ADAM23: variants seen among roughly 807,000 people sequenced by gnomAD.
The protein encoded by ADAM23 is disintegrin and metalloproteinase domain-containing protein 23.
ADAM23 carries 33 observed loss-of-function variants against 120.1 expected under a neutral mutation model. That is an observed-to-expected ratio of 0.27 (90% CI 0.21 to 0.37). ADAM23 has a LOEUF of 0.37. Among genes scored for constraint, ADAM23 ranks in the 10% least tolerant of loss-of-function variants. ADAM23 has a pLI of 1.00. For missense variants in ADAM23, 862 were observed against 1,058.2 expected (o/e 0.81, Z 2.57); for synonymous variants, 367 against 375.2 (o/e 0.98, Z 0.25).
chr2:206,547,352 G>C, intron 6 of ADAM23, 77 bp from the exon 7 acceptor site: 1 of 1,198,896 alleles, frequency 8.3e-7, no homozygotes. Context: ...AAGGACATTA[G>C]AGAAAGTTCC....
In ADAM23 at chr2:206,551,180, T is replaced by C. The variant is rs555178536; in HGVS notation, c.933+1020T>C. ...TGGTGTGCTGGTAAATTTTAATACC[T>C]AGCTCTCTTGATTTATAATGTTTGC... On this transcript the variant is annotated intron_variant, in intron 9 of 25. Transcript: ENST00000264377. Among the ~76,000 whole-genome samples the C allele has an allele frequency of 2.6e-5, 4 of 152,264 alleles. No individual in the cohort carries two copies. In the South Asian group the frequency reaches 6.2e-4, roughly 24 times the overall value.
At chr2:206,464,402 C>T (rs1463177817) in intron 2 of ADAM23, among the ~76,000 whole-genome samples, 1 of 151,962 alleles carries the variant, frequency 6.6e-6, no homozygotes, top group African/African-American at 2.4e-5. Flanking sequence ...TGGCAAAACC[C>T]CGTCTCTATT....
At chr2:206,518,326 A>G (rs917367936) in intron 3 of ADAM23, among the ~76,000 whole-genome samples, 4 of 152,296 alleles carry the variant, frequency 2.6e-5, no homozygotes, top group Middle Eastern at 3.4e-3. Flanking sequence ...ATTATGCAAA[A>G]TGTCTAGACT....
chr2:206,552,490 CCTTATT>C (rs1697549591), intron 9 of ADAM23, among the ~76,000 whole-genome samples: 1 of 151,882 alleles, frequency 6.6e-6, no homozygotes, highest in Non-Finnish European at 1.5e-5. Flanking sequence ...ATTTAAATAA[CCTTATT>C]CTTATGAATA....
At chr2:206,488,870 A>C (rs574126198) in intron 3 of ADAM23, among the ~76,000 whole-genome samples, 19 of 152,300 alleles carry the variant, frequency 1.2e-4, no homozygotes, top group African/African-American at 4.3e-4. Flanking sequence ...GTGGAAGCCC[A>C]AAAGCACCAA....
rs1411835326 is a variant in ADAM23 at position 206,620,250 on chromosome 2, C to A, written c.*2623C>A. ...TTTTAAATCAGACCACAGTGGTCCC[C>A]AAATATTATGTACATATGGCAAATG... On this transcript the variant is annotated 3_prime_UTR_variant, in exon 26 of 26. Coordinates refer to ENST00000264377, the MANE Select transcript of ADAM23 (RefSeq NM_003812.4). 1 of 152,110 alleles carries A rather than the reference C, an allele frequency of 6.6e-6. No individual in the cohort carries two copies. The highest frequency in any genetic ancestry group is 6.6e-5 in the Admixed American group (1 of 15,260). 9.4% of individuals were successfully genotyped at this position (152,110 alleles called of 1,614,324 possible). A position where few individuals can be genotyped will look rare whatever the true frequency, so the allele number is the denominator to read the frequency against.
chr2:206,547,105 G>A (rs1227947016), intron 6 of ADAM23, among the ~76,000 whole-genome samples: 1 of 151,672 alleles, frequency 6.6e-6, no homozygotes, highest in Non-Finnish European at 1.5e-5. Flanking sequence ...GCATGTTGAA[G>A]GAATATGAAA....
chr2:206,456,987 G>T (rs1695314323), intron 2 of ADAM23, among the ~76,000 whole-genome samples: 1 of 152,118 alleles, frequency 6.6e-6, no homozygotes, highest in Non-Finnish European at 1.5e-5. Flanking sequence ...ATTGTAAGCA[G>T]GCCTGCTAAT....
rs13423830 is a variant in ADAM23, at chr2:206,447,174, G to A, written c.432+1650G>A. On this transcript the variant is annotated intron_variant, in intron 2 of 25. Coordinates refer to ENST00000264377, the MANE Select transcript of ADAM23 (RefSeq NM_003812.4). ...ATGTGGCTGTTTTCTTTGGTGGGAC[G>A]TGGTTTGACTGTAATATACCTGACT... is the stretch of plus-strand genomic sequence containing the variant. Among the ~76,000 whole-genome samples the A allele has an allele frequency of 3.3e-3, 510 of 152,246 alleles. 3 individuals are homozygous for A. Among genetic ancestry groups the A allele is most frequent in the African/African-American group, 0.012 (484 of 41,546 alleles).
intron 2 of ADAM23, among the ~76,000 whole-genome samples, chr2:206,446,343 C>T (rs1382690561): frequency 6.6e-6 from 1 of 152,080 alleles, no homozygotes; most frequent in Non-Finnish European, 1.5e-5. Context: ...AATGGATTAT[C>T]GGTTCTTCTG....
intron 3 of ADAM23, among the ~76,000 whole-genome samples, chr2:206,483,135 G>A (rs574068659): frequency 2.6e-4 from 39 of 152,296 alleles, no homozygotes; most frequent in Middle Eastern, 3.4e-3. Flanking sequence ...GCTAAGAGGC[G>A]TGGAGAGGGA....
intron 3 of ADAM23, among the ~76,000 whole-genome samples, chr2:206,486,896 T>G (rs972452294): frequency 6.6e-6 from 1 of 152,202 alleles, no homozygotes; most frequent in Admixed American, 6.5e-5. Context: ...CATTCCCTTC[T>G]TCCTTAGGCC....
chr2:206,572,461 T>A (rs1407068300), intron 17 of ADAM23, among the ~76,000 whole-genome samples: 1 of 152,216 alleles, frequency 6.6e-6, no homozygotes, highest in Non-Finnish European at 1.5e-5. Context: ...ATTTTATGAT[T>A]TTGTTTCAAT....
intron 24 of ADAM23, among the ~76,000 whole-genome samples, chr2:206,597,551 C>G (rs1454962807): frequency 6.6e-6 from 1 of 152,114 alleles, no homozygotes; most frequent in Admixed American, 6.6e-5. Context: ...ACCCCTCATA[C>G]AATTTTCAAA....
intron 10 of ADAM23, among the ~76,000 whole-genome samples, 162 bp from the exon 11 acceptor site, chr2:206,559,793 C>G (rs1322343326): frequency 6.6e-6 from 1 of 152,062 alleles, no homozygotes; most frequent in Non-Finnish European, 1.5e-5. Flanking sequence ...TATTTTTGCT[C>G]TTGGAAAAAA....
intron 2 of ADAM23, among the ~76,000 whole-genome samples, chr2:206,463,323 A>T (rs995383502): frequency 1.3e-5 from 2 of 152,194 alleles, no homozygotes; most frequent in Non-Finnish European, 2.9e-5. Context: ...GGTTTGAGTG[A>T]TGCGAGGAGG....
At chr2:206,529,972 C>T (rs62194497) in intron 3 of ADAM23, among the ~76,000 whole-genome samples, 41,748 of 151,846 alleles carry the variant, frequency 0.27, 5,906 homozygotes, top group South Asian at 0.32. Flanking sequence ...CCACCACGCG[C>T]GGCTAATTTT....
intron 13 of ADAM23, 90 bp from the exon 14 acceptor site, chr2:206,564,926 TAAAG>T: frequency 1.5e-6 from 2 of 1,331,204 alleles, no homozygotes; most frequent in Non-Finnish European, 1.1e-6. Flanking sequence ...GAATTGGTAA[TAAAG>T]AATTATTGTA....
intron 13 of ADAM23, among the ~76,000 whole-genome samples, chr2:206,564,227 TAGAG>T (rs751416262): frequency 3.1e-4 from 47 of 152,040 alleles, no homozygotes; most frequent in African/African-American, 4.3e-4. Flanking sequence ...GATATATCGA[TAGAG>T]AGAGAGGCAT....
Sources: allele counts gnomAD v4.1 joint callset (sites outside exome capture counted in the v4.1 genomes callset), GRCh38; gene constraint gnomAD v4.1.1; transcripts MANE v1.5; gene names NCBI Gene and HGNC (gene_info 2026-07-23, HGNC 2026-07-21).